Variants in NPAT observed in about 807,000 individuals in gnomAD.
NPAT encodes nuclear protein, coactivator of histone transcription.
NPAT carries 52 observed loss-of-function variants against 130.7 expected under a neutral mutation model. The observed-to-expected ratio is 0.40, with a 90% confidence interval of 0.32 to 0.50. The LOEUF is 0.50. Ranked by LOEUF, NPAT falls within the 20% of genes least tolerant of loss-of-function variation. NPAT has a pLI of 0.68. For missense variants in NPAT, 1,687 were observed against 1,662.6 expected, an observed-to-expected ratio of 1.01 and a Z score of -0.26; for synonymous variants, 580 against 584.8, an observed-to-expected ratio of 0.99 and a Z score of 0.12.
intron 3 of NPAT, among the ~76,000 whole-genome samples, chr11:108,193,058 T>C (rs765116708): frequency 2.0e-5 from 3 of 152,358 alleles, no homozygotes; most frequent in Middle Eastern, 3.4e-3. Flanking sequence ...TCAAGCTTCT[T>C]TTCCTTTGTT....
At chr11:108,175,770 C>A (rs912717635) in intron 12 of NPAT, among the ~76,000 whole-genome samples, 2 of 152,064 alleles carry the variant, frequency 1.3e-5, no homozygotes, top group African/African-American at 4.8e-5. Context: ...AACAGGTGCA[C>A]AAAAAACATG....
At chr11:108,209,301 A>G (rs976938713) in intron 1 of NPAT, among the ~76,000 whole-genome samples, 1 of 151,978 alleles carries the variant, frequency 6.6e-6, no homozygotes, top group Admixed American at 6.6e-5. Flanking sequence ...ACTAAATAAA[A>G]TAAATAAATA....
At chr11:108,165,262 T>TA in intron 15 of NPAT, among the ~76,000 whole-genome samples, 1 of 151,912 alleles carries the variant, frequency 6.6e-6, no homozygotes, top group Non-Finnish European at 1.5e-5. Context: ...TTTCCATTTA[T>TA]AAGTTATGTA....
intron 13 of NPAT, among the ~76,000 whole-genome samples, chr11:108,170,523 G>T (rs182426131): frequency 6.9e-6 from 1 of 145,170 alleles, no homozygotes; most frequent in East Asian, 2.0e-4. Context: ...TGATCAAAAG[G>T]GGGTAAGGTA....
At chr11:108,198,341 C>A (rs1327804561) in intron 1 of NPAT, among the ~76,000 whole-genome samples, 4 of 151,980 alleles carry the variant, frequency 2.6e-5, no homozygotes, top group Non-Finnish European at 5.9e-5. Context: ...CAAAAATCTG[C>A]CTAGGGAAAT....
intron 12 of NPAT, among the ~76,000 whole-genome samples, chr11:108,174,926 A>C (rs896792113): frequency 3.3e-5 from 5 of 152,172 alleles, no homozygotes; most frequent in Non-Finnish European, 7.4e-5. Context: ...GCCTGGAAAA[A>C]GTGTTTCAGA....
At chr11:108,207,998 A>C (rs2078345585) in intron 1 of NPAT, among the ~76,000 whole-genome samples, 1 of 152,238 alleles carries the variant, frequency 6.6e-6, no homozygotes, top group Non-Finnish European at 1.5e-5. Context: ...ATCAAGTAAG[A>C]CTTAAAGTTG....
At chr11:108,189,540 T>C (rs2078142663) in intron 5 of NPAT, among the ~76,000 whole-genome samples, 1 of 152,236 alleles carries the variant, frequency 6.6e-6, no homozygotes, top group Non-Finnish European at 1.5e-5. Context: ...TTATATTTGT[T>C]CTGCAGTAAT....
chr11:108,179,197 T>TA (rs1357770417), intron 10 of NPAT, among the ~76,000 whole-genome samples: 1 of 152,222 alleles, frequency 6.6e-6, no homozygotes, highest in East Asian at 1.9e-4. Flanking sequence ...GTTGGATCCT[T>TA]ACCTTACACC....
intron 15 of NPAT, among the ~76,000 whole-genome samples, chr11:108,168,523 A>G (rs911976715): frequency 6.6e-6 from 1 of 152,216 alleles, no homozygotes; most frequent in Non-Finnish European, 1.5e-5. Context: ...GATAGCAGTT[A>G]GTTGAGTTCT....
rs949025402 is a variant in NPAT, at chr11:108,157,673, T to C, written c.*1269A>G. On this transcript the variant is annotated 3_prime_UTR_variant, in exon 18 of 18. Coordinates refer to ENST00000278612, the MANE Select transcript of NPAT (RefSeq NM_002519.3). ...GACTCTTCAACAAAATATACACCTG[T>C]AGAAAAAAATCCCTAATATACTGAT... 6.6e-6 allele frequency: 1 copy of C among 152,130 alleles called. No homozygotes were observed. The highest frequency in any genetic ancestry group is 2.1e-4 in the South Asian group (1 of 4,826). 9.4% of individuals were successfully genotyped at this position (152,130 alleles called of 1,614,324 possible). A position where few individuals can be genotyped will look rare whatever the true frequency, so the allele number is the denominator to read the frequency against.
chr11:108,191,048 A>G (rs1205258517), intron 4 of NPAT, among the ~76,000 whole-genome samples: 1 of 152,216 alleles, frequency 6.6e-6, no homozygotes. Flanking sequence ...AGCTTGGGTA[A>G]CAGAGTGAGA....
intron 6 of NPAT, 94 bp from the exon 7 acceptor site, chr11:108,188,273 T>C (rs3781869): frequency 0.56 from 528,744 of 945,548 alleles, 151,617 homozygotes; most frequent in Middle Eastern, 0.73. Context: ...TATTATTTTA[T>C]ATTAAATTCA....
intron 7 of NPAT, among the ~76,000 whole-genome samples, chr11:108,187,876 A>G (rs765004977): frequency 6.6e-6 from 1 of 152,188 alleles, no homozygotes; most frequent in Non-Finnish European, 1.5e-5. Flanking sequence ...CAGAATAAAC[A>G]TATTTCCCAT....
At chr11:108,210,619 A>C (rs1180729312) in intron 1 of NPAT, among the ~76,000 whole-genome samples, 9 of 152,354 alleles carry the variant, frequency 5.9e-5, no homozygotes, top group African/African-American at 2.2e-4. Context: ...TTCTTCATAG[A>C]AACACAAGAA....
chr11:108,183,164 T>C (rs963322909), intron 10 of NPAT, among the ~76,000 whole-genome samples: 29 of 151,818 alleles, frequency 1.9e-4, no homozygotes, highest in Non-Finnish European at 3.4e-4. Context: ...AAAAAATTTT[T>C]TTTGTATAGA....
intron 1 of NPAT, among the ~76,000 whole-genome samples, chr11:108,221,119 G>C (rs1289880056): frequency 6.6e-6 from 1 of 152,114 alleles, no homozygotes; most frequent in Non-Finnish European, 1.5e-5. Flanking sequence ...TCTTAACTAG[G>C]GGTGATTCTG....
At chr11:108,206,095 T>C (rs1343439400) in intron 1 of NPAT, among the ~76,000 whole-genome samples, 1 of 152,232 alleles carries the variant, frequency 6.6e-6, no homozygotes, top group Non-Finnish European at 1.5e-5. Flanking sequence ...GTGTTTGTTG[T>C]ACGTAAACTT....
At position 108,209,108 on chromosome 11, in the gene NPAT, G is replaced by A. The variant is rs536463412; in HGVS notation, c.38-11688C>T. Among the ~76,000 whole-genome samples, 4 of 151,774 alleles carry A rather than the reference G, an allele frequency of 2.6e-5. No individual in the cohort carries two copies. In the South Asian group the frequency reaches 6.2e-4, roughly 24 times the overall value. The stretch of plus-strand genomic sequence containing the variant: ...CAGCCTGGCCAACATGGTAAACTCC[G>A]TCTCTACTAACAATATAAAAAATTA... On this transcript the variant is annotated intron_variant, in intron 1 of 17. Coordinates refer to ENST00000278612, the MANE Select transcript of NPAT (RefSeq NM_002519.3).
Sources: gnomAD v4.1 joint callset for allele counts (sites outside exome capture counted in the v4.1 genomes callset) on GRCh38, gnomAD v4.1.1 for gene constraint, MANE v1.5 for transcripts, NCBI Gene and HGNC (gene_info 2026-07-23, HGNC 2026-07-21) for gene names.